Variants in ZNF609 observed in about 807,000 individuals in gnomAD.
ZNF609 encodes zinc finger protein 609.
ZNF609 carries 11 observed loss-of-function variants against 109.5 expected under a neutral mutation model. The ratio of observed to expected loss-of-function variants is 0.10; its 90% confidence interval spans 0.06 to 0.17. The LOEUF (loss-of-function observed/expected upper bound fraction) is 0.17. Ranked by LOEUF, ZNF609 falls within the 10% of genes least tolerant of loss-of-function variation. ZNF609 has a pLI of 1.00. For missense variants in ZNF609, 1,559 were observed against 1,772.4 expected (o/e 0.88, Z 2.16); for synonymous variants, 646 against 662.0 (o/e 0.98, Z 0.37).
intron 2 of ZNF609, among the ~76,000 whole-genome samples, chr15:64,580,995 G>A (rs145677189): frequency 0.023 from 1,285 of 56,002 alleles, 19 homozygotes; most frequent in African/African-American, 0.083. Flanking sequence ...AGACAGTCTC[G>A]CTCTGTTGCC....
chr15:64,678,294 C>T lies in ZNF609; in HGVS notation c.3581C>T (p.Pro1194Leu). The T allele has an allele frequency of 6.2e-7, 1 of 1,614,124 alleles. No individual in the cohort carries two copies. Among genetic ancestry groups the T allele is most frequent in the Non-Finnish European group, 8.5e-7 (1 of 1,180,032 alleles). The change falls in exon 6 of 10, where the codon CCC (proline) becomes CTC (leucine). Residue 1194 changes from proline to leucine, a missense_variant. Coordinates refer to ENST00000326648, the MANE Select transcript of ZNF609 (RefSeq NM_015042.2). The stretch of plus-strand genomic sequence containing the variant: ...AGCACAAGTAGTGACTGCAAGCTGC[C>T]CACGTCAGAGGAGTCTCGCCTTGGG... ...KESTSSDCKLPTSEESRLGSK... is the reference protein window; with the variant it reads ...KESTSSDCKLLTSEESRLGSK...
intron 2 of ZNF609, among the ~76,000 whole-genome samples, chr15:64,517,123 C>T (rs1009554405): frequency 6.6e-6 from 1 of 152,172 alleles, no homozygotes; most frequent in Non-Finnish European, 1.5e-5. Flanking sequence ...CTCCTATAAA[C>T]CCAGCACTTT....
At position 64,622,891 on chromosome 15, in the gene ZNF609, A is replaced by G. The variant is rs751950908; in HGVS notation, c.812A>G (p.Asn271Ser). The G allele has an allele frequency of 3.0e-5, 49 of 1,614,076 alleles. No individual in the cohort carries two copies. The highest frequency in any genetic ancestry group is 9.3e-5 in the African/African-American group (7 of 74,952). Residue 271 changes from asparagine to serine, a missense_variant, in exon 3 of 10, where the codon AAT becomes AGT. This residue lies in a region of ZNF609 where 291 missense variants were observed against 317.8 expected (regional missense o/e 0.92). Transcript: ENST00000326648. ...PIHLLVPVVN[N>S]DISSPCEQIM... Reference sequence around the variant, plus strand: ...CACCTTTTGGTGCCAGTGGTCAACAATGACATCTCATCTCCCTGTGAGCAG... The same window carrying G: ...CACCTTTTGGTGCCAGTGGTCAACAGTGACATCTCATCTCCCTGTGAGCAG...
At chr15:64,558,053 A>G (rs956707912) in intron 2 of ZNF609, among the ~76,000 whole-genome samples, 3 of 152,130 alleles carry the variant, frequency 2.0e-5, no homozygotes, top group Non-Finnish European at 4.4e-5. Flanking sequence ...TCATACATAG[A>G]CTATTGCTTT....
rs558134258 is a variant in ZNF609 at position 64,526,716 on chromosome 15, C to A, written c.747+26550C>A. On this transcript the variant is annotated intron_variant, in intron 2 of 9. Transcript: ENST00000326648. ...GCAATGGCATAATCACAGCCCACTG[C>A]ATCCTTGACCTCCCAGGCTCAAGCA... Among the ~76,000 whole-genome samples the A allele has an allele frequency of 2.6e-5, 4 of 152,262 alleles. No homozygotes were observed. In the East Asian group the frequency reaches 7.7e-4, roughly 29 times the overall value.
At chr15:64,568,237 T>C (rs1442445508) in intron 2 of ZNF609, among the ~76,000 whole-genome samples, 1 of 152,210 alleles carries the variant, frequency 6.6e-6, no homozygotes. Context: ...CAGTACTTCC[T>C]ACTGTCATCT....
chr15:64,471,709 G>C (rs951050484), intron 1 of ZNF609, among the ~76,000 whole-genome samples: 27 of 152,152 alleles, frequency 1.8e-4, no homozygotes, highest in Middle Eastern at 3.4e-3. Flanking sequence ...TCAGCCTCCT[G>C]AGTAGGTGGC....
chr15:64,464,125 G>A (rs1892978972), intron 1 of ZNF609, among the ~76,000 whole-genome samples: 1 of 152,112 alleles, frequency 6.6e-6, no homozygotes, highest in Non-Finnish European at 1.5e-5. Flanking sequence ...ATTTTGTGAG[G>A]ATATGGAGGC....
At chr15:64,494,720 T>A (rs188468751) in intron 1 of ZNF609, among the ~76,000 whole-genome samples, 4 of 152,192 alleles carry the variant, frequency 2.6e-5, no homozygotes, top group Non-Finnish European at 5.9e-5. Context: ...CAGACGGGGT[T>A]TCATCATGTT....
At chr15:64,489,519 C>T (rs1893380547) in intron 1 of ZNF609, among the ~76,000 whole-genome samples, 1 of 132,908 alleles carries the variant, frequency 7.5e-6, no homozygotes, top group African/African-American at 2.8e-5. Flanking sequence ...CTACCATCTC[C>T]ATTATTCACT....
Position 64,675,250 on chromosome 15 carries a change from C to G in ZNF609, c.2396C>G (p.Thr799Arg). The change falls in exon 5 of 10, where the codon ACG becomes AGG. Residue 799 changes from threonine to arginine, a missense_variant. Coordinates refer to ENST00000326648, the MANE Select transcript of ZNF609 (RefSeq NM_015042.2). ...GAAGCCGACAAGATCTACAGTTTCA[C>G]GGACAATGCCCCCAGCCCTTCCATT... is the stretch of plus-strand genomic sequence containing the variant. ...KAEADKIYSF[T>R]DNAPSPSIGG... The G allele has an allele frequency of 6.2e-7, 1 of 1,614,060 alleles. No homozygotes were observed. The highest frequency in any genetic ancestry group is 8.5e-7 in the Non-Finnish European group (1 of 1,180,038).
chr15:64,541,636 CGA>C (rs1894264786), intron 2 of ZNF609, among the ~76,000 whole-genome samples: 3 of 151,114 alleles, frequency 2.0e-5, no homozygotes, highest in African/African-American at 7.3e-5. Flanking sequence ...GTCAGGAGAT[CGA>C]GACCATCCTG....
intron 3 of ZNF609, among the ~76,000 whole-genome samples, chr15:64,647,776 A>G (rs146653318): frequency 6.6e-6 from 1 of 152,340 alleles, no homozygotes; most frequent in African/African-American, 2.4e-5. Flanking sequence ...TACATCATCA[A>G]TAAAGTACCT....
At chr15:64,660,970 T>C (rs1896566495) in intron 3 of ZNF609, among the ~76,000 whole-genome samples, 1 of 152,162 alleles carries the variant, frequency 6.6e-6, no homozygotes, top group Non-Finnish European at 1.5e-5. Flanking sequence ...TGTTTGTTTG[T>C]TTGTTGAGAC....
chr15:64,681,130 G>A (rs778466218), intron 8 of ZNF609, among the ~76,000 whole-genome samples, 179 bp from the exon 9 acceptor site: 114 of 152,220 alleles, frequency 7.5e-4, no homozygotes, highest in Non-Finnish European at 1.1e-3. Context: ...TGGAACAGGT[G>A]TTCCCCAAAG....
At chr15:64,678,872 T>C (rs1394913978) in intron 6 of ZNF609, among the ~76,000 whole-genome samples, 1 of 152,232 alleles carries the variant, frequency 6.6e-6, no homozygotes, top group African/African-American at 2.4e-5. Context: ...ATTGAGTTCC[T>C]TCCACTCCCG....
intron 1 of ZNF609, among the ~76,000 whole-genome samples, chr15:64,473,109 G>A (rs1464023063): frequency 6.6e-6 from 1 of 151,026 alleles, no homozygotes; most frequent in Non-Finnish European, 1.5e-5. Flanking sequence ...TTCATAATTT[G>A]AAACCCGCCT....
chr15:64,610,712 C>A (rs1417461401), intron 2 of ZNF609, among the ~76,000 whole-genome samples: 5 of 152,192 alleles, frequency 3.3e-5, no homozygotes. Flanking sequence ...TGGCTTATAG[C>A]AGGGAGAATC....
chr15:64,506,908 C>T (rs776217937), intron 2 of ZNF609, among the ~76,000 whole-genome samples: 3 of 152,082 alleles, frequency 2.0e-5, no homozygotes, highest in Non-Finnish European at 4.4e-5. Context: ...TTACAGGAAT[C>T]CCAGTATGAA....
Sources: allele counts gnomAD v4.1 joint callset (sites outside exome capture counted in the v4.1 genomes callset), GRCh38; gene constraint gnomAD v4.1.1; regional missense constraint gnomAD v4.1.1; transcripts MANE v1.5; gene names NCBI Gene and HGNC (gene_info 2026-07-23, HGNC 2026-07-21).